SEPTIN5: variants seen among roughly 807,000 people sequenced by gnomAD.
The protein encoded by SEPTIN5 is septin-5.
SEPTIN5 carries 16 observed loss-of-function variants against 51.2 expected under a neutral mutation model. The ratio of observed to expected loss-of-function variants is 0.31; its 90% CI spans 0.21 to 0.47. SEPTIN5 has a LOEUF of 0.47. SEPTIN5 is among the 20% of genes least tolerant of loss of function. SEPTIN5 has a pLI of 0.99. For synonymous variants in SEPTIN5, 208 were observed against 191.2 expected (o/e 1.09, Z -0.72); for missense variants, 376 against 500.3 (o/e 0.75, Z 2.37).
Position 19,720,434 on chromosome 22 carries a change from C to T in SEPTIN5, c.477C>T (p.Phe159=). The T allele has an allele frequency of 6.2e-7, 1 of 1,613,946 alleles. No individual in the cohort carries two copies. The highest frequency in any genetic ancestry group is 1.1e-5 in the South Asian group (1 of 91,082). The change falls in exon 6 of 12, where the codon TTC becomes TTT. Residue 159 remains phenylalanine, a synonymous_variant. Transcript: ENST00000455784. The part of the protein sequence containing the change: ...QDNRVHCCLY[F]ISPFGHGLRP... ...ACCGAGTGCACTGCTGCCTATACTTCATCTCCCCCTTCGGGCATGGGTGTG... is the reference window on the plus strand; with the variant it reads ...ACCGAGTGCACTGCTGCCTATACTTTATCTCCCCCTTCGGGCATGGGTGTG...
chr22:19,722,753 C>T lies in SEPTIN5; in HGVS notation c.*269C>T, dbSNP rs1236023875. On this transcript the variant is annotated 3_prime_UTR_variant, in exon 12 of 12. Coordinates refer to ENST00000455784, the MANE Select transcript of SEPTIN5 (RefSeq NM_002688.6). ...GCCTCCCTTGCCCTTCCCCCGCCCC[C>T]GGACGGTCACAGCACCCAAACCGCA... 2 of 549,238 alleles carry T rather than the reference C, an allele frequency of 3.6e-6. No homozygotes were observed. Among genetic ancestry groups the T allele is most frequent in the Non-Finnish European group, 6.6e-6 (2 of 304,904 alleles). 34.0% of individuals were successfully genotyped at this position (549,238 alleles called of 1,614,324 possible). A position where few individuals can be genotyped will look rare whatever the true frequency, so the allele number is the denominator to read the frequency against.
chr22:19,722,874 G>A lies in SEPTIN5; in HGVS notation c.*390G>A. The A allele has an allele frequency of 2.2e-6, 1 of 452,760 alleles. No individual in the cohort carries two copies. Among genetic ancestry groups the A allele is most frequent in the Non-Finnish European group, 4.1e-6 (1 of 242,620 alleles). The allele number at this position is 452,760 out of a possible 1,614,324, so 28.0% of individuals were successfully genotyped here. ...CCAGTGCTGCAGAACGGACTTGGGA[G>A]CCCTCCTTTGCCTGCTCCCGCGGGT... On this transcript the variant is annotated 3_prime_UTR_variant, in exon 12 of 12. Coordinates refer to ENST00000455784, the MANE Select transcript of SEPTIN5 (RefSeq NM_002688.6).
At chr22:19,717,040 T>C (rs1447534378) in intron 2 of SEPTIN5, among the ~76,000 whole-genome samples, 3 of 152,096 alleles carry the variant, frequency 2.0e-5, no homozygotes, top group Non-Finnish European at 4.4e-5. Flanking sequence ...TTCCCTGGGA[T>C]GAAAGGCTCT....
chr22:19,719,567 CTT>C, intron 2 of SEPTIN5, 33 bp from the exon 3 acceptor site: 1 of 1,567,738 alleles, frequency 6.4e-7, no homozygotes, highest in Non-Finnish European at 8.8e-7. Context: ...CTGGAGAAAC[CTT>C]TGTGTCCCTA....
chr22:19,718,909 G>A, intron 2 of SEPTIN5: 3 of 1,196,162 alleles, frequency 2.5e-6, no homozygotes, highest in Non-Finnish European at 3.1e-6. Flanking sequence ...GCCACGGCCC[G>A]CCAGCGCCTA....
chr22:19,722,375 C>G, intron 11 of SEPTIN5, 36 bp downstream of exon 11: 1 of 1,595,530 alleles, frequency 6.3e-7, no homozygotes, highest in Non-Finnish European at 8.5e-7. Context: ...AGGCGGGCGT[C>G]AGGGATGCTC....
Position 19,722,218 on chromosome 22 carries a change from T to TCCCCCCC in SEPTIN5, c.951-18_951-12dup. The TCCCCCCC allele has an allele frequency of 1.8e-6, 2 of 1,105,250 alleles. No individual in the cohort carries two copies. The highest frequency in any genetic ancestry group is 1.3e-6 in the Non-Finnish European group (1 of 776,680). 68.5% of individuals were successfully genotyped at this position (1,105,250 alleles called of 1,614,324 possible). A position where few individuals can be genotyped will look rare whatever the true frequency, so the allele number is the denominator to read the frequency against. On this transcript the variant is annotated intron_variant, in intron 10 of 11. Coordinates refer to ENST00000455784, the MANE Select transcript of SEPTIN5 (RefSeq NM_002688.6). ...CCCGGTGGCGCCGCCCCGCCCATCCTCCCCCCCGCCCCGCGCAGCAAACTG... is the reference window on the plus strand; with the variant it reads ...CCCGGTGGCGCCGCCCCGCCCATCCTCCCCCCCCCCCCCCGCCCCGCGCAGCAAACTG...
At chr22:19,717,160 G>C in intron 2 of SEPTIN5, 1 of 357,284 alleles carries the variant, frequency 2.8e-6, no homozygotes, top group South Asian at 1.9e-5. Flanking sequence ...AGCCAGGAGA[G>C]CCTAAGGGAG....
In SEPTIN5 at chr22:19,723,140, C is replaced by G; in HGVS notation, c.*656C>G. ...ACCTCCTGGCAACTCTCGGTGCCGT[C>G]CCCTGCCCTCGCTCGAGGCCTCTTC... On this transcript the variant is annotated 3_prime_UTR_variant, in exon 12 of 12. Transcript: ENST00000455784. 1 of 556,846 alleles carries G rather than the reference C, an allele frequency of 1.8e-6. No individual in the cohort carries two copies. The highest frequency in any genetic ancestry group is 1.5e-5 in the South Asian group (1 of 65,378). 34.5% of individuals were successfully genotyped at this position (556,846 alleles called of 1,614,324 possible).
At chr22:19,716,349 G>A (rs1047080778) in intron 2 of SEPTIN5, among the ~76,000 whole-genome samples, 2 of 152,238 alleles carry the variant, frequency 1.3e-5, no homozygotes, top group African/African-American at 4.8e-5. Context: ...TCTTTGAAAG[G>A]GGGCTGTAGA....
intron 10 of SEPTIN5, 70 bp downstream of exon 10, chr22:19,722,027 G>C (rs1936049722): frequency 1.3e-6 from 2 of 1,543,682 alleles, no homozygotes; most frequent in African/African-American, 1.4e-5. Flanking sequence ...CTGAGGGCCG[G>C]TCCTGTCAGC....
Position 19,714,967 on chromosome 22 carries a change from G to A in SEPTIN5, c.54+176G>A, listed in dbSNP as rs1442605511. Among the ~76,000 whole-genome samples, 1 of 152,204 alleles carries A rather than the reference G, an allele frequency of 6.6e-6. No individual in the cohort carries two copies. Among genetic ancestry groups the A allele is most frequent in the Non-Finnish European group, 1.5e-5 (1 of 68,026 alleles). ...CCGCGCCTGGGGCTTCAGAGGAGAG[G>A]AGTGGGGGCCCTGGTCCCCGGACCC... On this transcript the variant is annotated intron_variant, in intron 2 of 11. Coordinates refer to ENST00000455784, the MANE Select transcript of SEPTIN5 (RefSeq NM_002688.6). This position sits in a 1 kb window ranked among gnomAD's most constrained non-coding sequence, Gnocchi z 5.2.
chr22:19,722,694 T>C lies in SEPTIN5; in HGVS notation c.*210T>C. 1.6e-6 allele frequency: 1 copy of C among 608,124 alleles called. No individual in the cohort carries two copies. The allele number at this position is 608,124 out of a possible 1,614,324, so 37.7% of individuals were successfully genotyped here. On this transcript the variant is annotated 3_prime_UTR_variant, in exon 12 of 12. Transcript: ENST00000455784. ...GCTGGCCCTCTCTGACCTTGGGGGATCAGGAGCGAAGTTGGGCGGGACTTC... is the reference window on the plus strand; with the variant it reads ...GCTGGCCCTCTCTGACCTTGGGGGACCAGGAGCGAAGTTGGGCGGGACTTC...
rs779881396 is a variant in SEPTIN5 at position 19,719,688 on chromosome 22, C to CA, written c.142dup (p.Met48AsnfsTer5). On this transcript the variant is annotated frameshift_variant, in exon 3 of 12. Coordinates refer to ENST00000455784, the MANE Select transcript of SEPTIN5 (RefSeq NM_002688.6). LOFTEE classifies it high-confidence loss of function. ...TGAAGAAAGGCTTTGACTTCACACT[C>CA]ATGGTGGCTGGTGAGTGGGCCAGGC... 6.2e-7 allele frequency: 1 copy of CA among 1,612,928 alleles called. No individual in the cohort carries two copies. Among genetic ancestry groups the CA allele is most frequent in the Non-Finnish European group, 8.5e-7 (1 of 1,179,930 alleles).
At position 19,722,221 on chromosome 22, in the gene SEPTIN5, C is replaced by A; in HGVS notation, c.951-16C>A. The A allele has an allele frequency of 1.3e-6, 2 of 1,550,826 alleles. No individual in the cohort carries two copies. The highest frequency in any genetic ancestry group is 1.8e-6 in the Non-Finnish European group (2 of 1,139,882). ...GGTGGCGCCGCCCCGCCCATCCTCC[C>A]CCCCGCCCCGCGCAGCAAACTGACC... On this transcript the variant is annotated splice_polypyrimidine_tract_variant and intron_variant, in intron 10 of 11. Transcript: ENST00000455784.
chr22:19,721,014 G>A (rs1186128341), intron 8 of SEPTIN5, 145 bp downstream of exon 8: 3 of 718,678 alleles, frequency 4.2e-6, no homozygotes, highest in Non-Finnish European at 7.5e-6. Context: ...AGGAGTAGAG[G>A]ACCTGTACCC....
intron 2 of SEPTIN5, chr22:19,718,399 G>A: frequency 4.8e-6 from 5 of 1,036,900 alleles, no homozygotes; most frequent in Non-Finnish European, 5.8e-6. Context: ...GACGGCGGGC[G>A]GGGCCGTCTC....
In SEPTIN5 at chr22:19,714,879, C is replaced by G; in HGVS notation, c.54+88C>G. On this transcript the variant is annotated intron_variant, in intron 2 of 11. Transcript: ENST00000455784. This position sits in a 1 kb window ranked among gnomAD's most constrained non-coding sequence, Gnocchi z 5.2. ...AGCGCCTTGGGCGCCCAGGCGCGAC[C>G]CCGCCCCCGCCGGCCCTCACCCAGC... is the stretch of plus-strand genomic sequence containing the variant. 1.4e-6 allele frequency: 2 copies of G among 1,452,996 alleles called. No individual in the cohort carries two copies. The highest frequency in any genetic ancestry group is 1.9e-6 in the Non-Finnish European group (2 of 1,078,936). The allele number at this position is 1,452,996 out of a possible 1,614,324, so 90.0% of individuals were successfully genotyped here.
At chr22:19,719,099 G>T in intron 2 of SEPTIN5, 1 of 320,054 alleles carries the variant, frequency 3.1e-6, no homozygotes, top group Non-Finnish European at 5.7e-6. Context: ...GGGCGGGGGA[G>T]GCTCGGCGCC....
Sources: allele counts gnomAD v4.1 joint callset (sites outside exome capture counted in the v4.1 genomes callset), GRCh38; gene constraint gnomAD v4.1.1; non-coding constraint Gnocchi (gnomAD v3.1); transcripts MANE v1.5; gene names NCBI Gene and HGNC (gene_info 2026-07-23, HGNC 2026-07-21).